Variants in HSD17B2 observed in about 807,000 individuals in gnomAD.
HSD17B2 encodes the protein 17-beta-hydroxysteroid dehydrogenase type 2.
Under a neutral mutation model 26.9 loss-of-function variants are expected in HSD17B2, and 32 were observed. The observed-to-expected ratio is 1.19, with a 90% CI of 0.90 to 1.60. The LOEUF is 1.60. Ranked by LOEUF, HSD17B2 falls within the 40% of genes most tolerant of loss-of-function variation. HSD17B2 has a pLI of 0.00. For synonymous variants in HSD17B2, 246 were observed against 186.7 expected (o/e 1.32, Z -2.59); for missense variants, 613 against 468.6 (o/e 1.31, Z -2.85).
intron 1 of HSD17B2, among the ~76,000 whole-genome samples, chr16:82,052,925 T>G (rs1328174383): frequency 6.6e-6 from 1 of 152,214 alleles, no homozygotes; most frequent in Non-Finnish European, 1.5e-5. Context: ...CATAACATGG[T>G]GGAGGGCATC....
At chr16:82,053,444 TTTA>T (rs749506956) in intron 1 of HSD17B2, among the ~76,000 whole-genome samples, 1 of 151,902 alleles carries the variant, frequency 6.6e-6, no homozygotes, top group African/African-American at 2.4e-5. Flanking sequence ...TTTATTATTA[TTTA>T]TTTATTTATT....
intron 3 of HSD17B2, 35 bp downstream of exon 3, chr16:82,071,162 C>T (rs919490086): frequency 2.5e-6 from 4 of 1,591,720 alleles, no homozygotes; most frequent in Non-Finnish European, 3.4e-6. Flanking sequence ...TCATGGGGTG[C>T]CCATCACAAG....
At chr16:82,055,969 T>A (rs1181262708) in intron 1 of HSD17B2, among the ~76,000 whole-genome samples, 1 of 152,166 alleles carries the variant, frequency 6.6e-6, no homozygotes, top group East Asian at 1.9e-4. Context: ...TACCAAGGGT[T>A]TGTCATCTCT....
chr16:82,045,634 T>C (rs1275803416), intron 1 of HSD17B2, among the ~76,000 whole-genome samples: 1 of 152,258 alleles, frequency 6.6e-6, no homozygotes, highest in Non-Finnish European at 1.5e-5. Context: ...ATCAGCCTCA[T>C]ACAATAGTGC....
Position 82,035,277 on chromosome 16 carries a change from T to C in HSD17B2, c.-148T>C. ...TACCCACTGGGAATATGATTATGCTTAATCTATGCTCAGTTGAAAGGGGCT... is the reference window on the plus strand; with the variant it reads ...TACCCACTGGGAATATGATTATGCTCAATCTATGCTCAGTTGAAAGGGGCT... On this transcript the variant is annotated 5_prime_UTR_variant, in exon 1 of 5. Transcript: ENST00000199936. 3.1e-6 allele frequency: 2 copies of C among 653,398 alleles called. No individual in the cohort carries two copies. The highest frequency in any genetic ancestry group is 5.2e-6 in the Non-Finnish European group (2 of 383,342). The allele number at this position is 653,398 out of a possible 1,614,324, so 40.5% of individuals were successfully genotyped here.
chr16:82,078,939 A>G (rs962080080), intron 3 of HSD17B2, among the ~76,000 whole-genome samples: 12 of 152,226 alleles, frequency 7.9e-5, no homozygotes, highest in Non-Finnish European at 1.8e-4. Flanking sequence ...AATAGAACGA[A>G]TGAATAAGAT....
chr16:82,069,838 C>A (rs1428074635), intron 2 of HSD17B2, among the ~76,000 whole-genome samples: 1 of 152,104 alleles, frequency 6.6e-6, no homozygotes, highest in Non-Finnish European at 1.5e-5. Flanking sequence ...TTGGTGACAG[C>A]AGAGACTGAA....
At chr16:82,042,873 G>A (rs577862525) in intron 1 of HSD17B2, among the ~76,000 whole-genome samples, 25 of 151,700 alleles carry the variant, frequency 1.6e-4, no homozygotes, top group African/African-American at 3.1e-4. Flanking sequence ...CACCTGCCTC[G>A]GCCTCCCAAA....
At chr16:82,037,603 G>A (rs568618091) in intron 1 of HSD17B2, among the ~76,000 whole-genome samples, 11 of 152,194 alleles carry the variant, frequency 7.2e-5, no homozygotes, top group African/African-American at 2.6e-4. Flanking sequence ...AAAAAGAGTA[G>A]AAGCAAAACC....
intron 1 of HSD17B2, among the ~76,000 whole-genome samples, chr16:82,051,704 T>C (rs980638151): frequency 6.6e-6 from 1 of 152,110 alleles, no homozygotes; most frequent in African/African-American, 2.4e-5. Context: ...ACCTGTAAGT[T>C]CTGCACATGT....
chr16:82,050,696 T>C (rs937558455), intron 1 of HSD17B2, among the ~76,000 whole-genome samples: 27 of 152,226 alleles, frequency 1.8e-4, no homozygotes, highest in Non-Finnish European at 2.9e-5. Context: ...TTCCATTTAC[T>C]GTTCTTTTCA....
At chr16:82,053,035 C>T (rs1597123914) in intron 1 of HSD17B2, among the ~76,000 whole-genome samples, 1 of 152,334 alleles carries the variant, frequency 6.6e-6, no homozygotes, top group East Asian at 1.9e-4. Context: ...CTTATCTAGA[C>T]CTAATTACCT....
chr16:82,042,680 G>A (rs1913799526), intron 1 of HSD17B2, among the ~76,000 whole-genome samples: 2 of 152,038 alleles, frequency 1.3e-5, no homozygotes, highest in African/African-American at 4.8e-5. Flanking sequence ...GGAGTGCAAT[G>A]GCACGATCTC....
chr16:82,052,812 T>C (rs1298090130), intron 1 of HSD17B2, among the ~76,000 whole-genome samples: 2 of 152,190 alleles, frequency 1.3e-5, no homozygotes, highest in African/African-American at 4.8e-5. Flanking sequence ...TAAAAAAGCA[T>C]AACAGACTGG....
intron 1 of HSD17B2, among the ~76,000 whole-genome samples, chr16:82,063,733 C>T (rs1444885129): frequency 6.6e-6 from 1 of 152,124 alleles, no homozygotes; most frequent in Non-Finnish European, 1.5e-5. Context: ...ATCAGAGTGA[C>T]ACAATCAGAC....
At chr16:82,061,332 T>A (rs995300509) in intron 1 of HSD17B2, among the ~76,000 whole-genome samples, 1 of 152,204 alleles carries the variant, frequency 6.6e-6, no homozygotes, top group Non-Finnish European at 1.5e-5. Context: ...TTGTTCCAAT[T>A]ACTTTAATAT....
At chr16:82,048,987 G>C (rs8191086) in intron 1 of HSD17B2, among the ~76,000 whole-genome samples, 1 of 152,216 alleles carries the variant, frequency 6.6e-6, no homozygotes, top group Non-Finnish European at 1.5e-5. Flanking sequence ...AACGCATTAT[G>C]ATGAAAATAA....
chr16:82,075,149 T>C (rs1680553265), intron 3 of HSD17B2, among the ~76,000 whole-genome samples: 1 of 151,988 alleles, frequency 6.6e-6, no homozygotes, highest in African/African-American at 2.4e-5. Flanking sequence ...ATTTCTCAAA[T>C]GATAAAGGAA....
intron 3 of HSD17B2, chr16:82,071,463 C>A (rs936381784): frequency 2.6e-6 from 1 of 387,880 alleles, no homozygotes; most frequent in Admixed American, 3.7e-5. Context: ...TTCAGGCAAC[C>A]TGTTTTCAAC....
Sources: allele counts gnomAD v4.1 joint callset (sites outside exome capture counted in the v4.1 genomes callset), GRCh38; gene constraint gnomAD v4.1.1; transcripts MANE v1.5; gene names NCBI Gene and HGNC (gene_info 2026-07-23, HGNC 2026-07-21).